The following GABRB2 variants were observed in gnomAD, a reference collection of about 807,000 sequenced individuals.
The protein encoded by GABRB2 is gamma-aminobutyric acid type A receptor subunit beta2.
In GABRB2, 16 loss-of-function variants were observed where a neutral mutation model predicts 54.7. That is an observed-to-expected ratio of 0.29 (90% CI 0.20 to 0.44). The LOEUF (loss-of-function observed/expected upper bound fraction) is 0.44. Among genes scored for constraint, GABRB2 ranks in the 20% least tolerant of loss-of-function variants. GABRB2 has a pLI of 1.00. For missense variants in GABRB2, 355 were observed against 644.0 expected, an observed-to-expected ratio of 0.55 and a Z score of 4.86; for synonymous variants, 244 against 233.8, an observed-to-expected ratio of 1.04 and a Z score of -0.40.
At chr5:161,400,507 G>A (rs1287102993) in intron 5 of GABRB2, among the ~76,000 whole-genome samples, 2 of 152,024 alleles carry the variant, frequency 1.3e-5, no homozygotes, top group African/African-American at 4.8e-5. Context: ...GCCTTTTTTA[G>A]ATCTAATGGG....
At chr5:161,456,199 T>G (rs1387611949) in intron 4 of GABRB2, among the ~76,000 whole-genome samples, 2 of 152,214 alleles carry the variant, frequency 1.3e-5, no homozygotes, top group Non-Finnish European at 2.9e-5. Flanking sequence ...ATCCACATCT[T>G]CATGGTTGCC....
intron 9 of GABRB2, among the ~76,000 whole-genome samples, chr5:161,325,563 C>T (rs1758338387): frequency 6.6e-6 from 1 of 152,104 alleles, no homozygotes; most frequent in African/African-American, 2.4e-5. Flanking sequence ...AATGGAAGCA[C>T]TTCTGGCATC....
At chr5:161,400,424 T>G (rs1049232296) in intron 5 of GABRB2, among the ~76,000 whole-genome samples, 1 of 152,166 alleles carries the variant, frequency 6.6e-6, no homozygotes, top group Admixed American at 6.6e-5. Flanking sequence ...TAAACACGTT[T>G]GCATTCCCAC....
At chr5:161,469,900 T>C (rs1758388964) in intron 3 of GABRB2, among the ~76,000 whole-genome samples, 1 of 151,750 alleles carries the variant, frequency 6.6e-6, no homozygotes, top group Non-Finnish European at 1.5e-5. Context: ...TCATCTCTAT[T>C]TTCTCATCCA....
chr5:161,443,054 T>C (rs1025529707), intron 4 of GABRB2, among the ~76,000 whole-genome samples: 4 of 152,144 alleles, frequency 2.6e-5, no homozygotes, highest in African/African-American at 9.7e-5. Flanking sequence ...CTCCTGAACA[T>C]AAAATTGTGT....
intron 3 of GABRB2, among the ~76,000 whole-genome samples, chr5:161,501,293 T>C (rs1225404679): frequency 1.4e-5 from 2 of 143,692 alleles, no homozygotes; most frequent in Non-Finnish European, 3.2e-5. Context: ...GACAAGTCTT[T>C]GTTAAAAAAA....
intron 3 of GABRB2, among the ~76,000 whole-genome samples, chr5:161,534,125 A>T (rs181064768): frequency 6.6e-6 from 1 of 152,256 alleles, no homozygotes; most frequent in Admixed American, 6.5e-5. Context: ...GCACAGCACA[A>T]TTTTTTACAA....
chr5:161,459,094 T>A (rs1758048213), intron 4 of GABRB2: 1 of 154,862 alleles, frequency 6.5e-6, no homozygotes, highest in East Asian at 1.9e-4. Flanking sequence ...AGTATCACAG[T>A]TATTTCCTGA....
At chr5:161,446,803 C>T (rs1362599327) in intron 4 of GABRB2, among the ~76,000 whole-genome samples, 1 of 152,068 alleles carries the variant, frequency 6.6e-6, no homozygotes, top group Non-Finnish European at 1.5e-5. Flanking sequence ...GATTTTGGCT[C>T]TTACTTAGCC....
intron 3 of GABRB2, among the ~76,000 whole-genome samples, chr5:161,479,676 G>C (rs183231368): frequency 6.8e-6 from 1 of 146,048 alleles, no homozygotes; most frequent in Non-Finnish European, 1.5e-5. Context: ...AGCAACTTCC[G>C]CCTCCCAGTT....
intron 5 of GABRB2, among the ~76,000 whole-genome samples, chr5:161,359,720 A>C (rs868161270): frequency 6.6e-6 from 1 of 152,214 alleles, no homozygotes; most frequent in South Asian, 2.1e-4. Context: ...TGGGATTTTT[A>C]TTAGGCTAGA....
intron 5 of GABRB2, among the ~76,000 whole-genome samples, chr5:161,398,666 GT>G (rs1756078870): frequency 7.2e-6 from 1 of 139,538 alleles, no homozygotes; most frequent in African/African-American, 3.2e-5. Flanking sequence ...TTGTTTGTTT[GT>G]CTGTTTTTTT....
At chr5:161,450,691 G>C (rs1193615487) in intron 4 of GABRB2, among the ~76,000 whole-genome samples, 1 of 152,084 alleles carries the variant, frequency 6.6e-6, no homozygotes, top group Non-Finnish European at 1.5e-5. Context: ...CCCGCTCTGA[G>C]CCTCCCTTTT....
chr5:161,358,626 G>A (rs2113447675), intron 5 of GABRB2, among the ~76,000 whole-genome samples: 1 of 152,330 alleles, frequency 6.6e-6, no homozygotes, highest in East Asian at 1.9e-4. Context: ...ATGGAAGCAT[G>A]AGAACAGCAA....
At chr5:161,439,603 G>T (rs1258985980) in intron 4 of GABRB2, among the ~76,000 whole-genome samples, 1 of 152,132 alleles carries the variant, frequency 6.6e-6, no homozygotes, top group Admixed American at 6.5e-5. Context: ...AACTTTTCAA[G>T]ACATAGTCAG....
chr5:161,423,353 G>T (rs1756905628), intron 4 of GABRB2, among the ~76,000 whole-genome samples: 1 of 152,122 alleles, frequency 6.6e-6, no homozygotes, highest in East Asian at 1.9e-4. Context: ...TGCAGACATT[G>T]TGTTCTTTAC....
chr5:161,412,331 C>T (rs1756538409), intron 4 of GABRB2, among the ~76,000 whole-genome samples: 1 of 152,122 alleles, frequency 6.6e-6, no homozygotes, highest in Non-Finnish European at 1.5e-5. Context: ...CTGTAAGTCT[C>T]CTAGAGCTGA....
At chr5:161,543,674 A>C (rs949678767) in intron 3 of GABRB2, among the ~76,000 whole-genome samples, 1 of 152,180 alleles carries the variant, frequency 6.6e-6, no homozygotes, top group Non-Finnish European at 1.5e-5. Flanking sequence ...GAGACATAAG[A>C]AGGTACCCAC....
chr5:161,347,567 G>A (rs980420305), intron 5 of GABRB2, among the ~76,000 whole-genome samples: 4 of 151,990 alleles, frequency 2.6e-5, no homozygotes, highest in Admixed American at 2.6e-4. Flanking sequence ...GCTGCAAACA[G>A]GCCTTGGATA....
Sources: gnomAD v4.1 joint callset for allele counts (sites outside exome capture counted in the v4.1 genomes callset) on GRCh38, gnomAD v4.1.1 for gene constraint, MANE v1.5 for transcripts, NCBI Gene and HGNC (gene_info 2026-07-23, HGNC 2026-07-21) for gene names.